The following CNNM2 variants were observed in gnomAD, a reference collection of about 807,000 sequenced individuals.
CNNM2 encodes the protein metal transporter CNNM2.
Under a neutral mutation model 66.9 loss-of-function variants are expected in CNNM2, and 12 were observed. The observed-to-expected ratio is 0.18, with a 90% confidence interval of 0.11 to 0.29. The LOEUF is 0.29. Among genes scored for constraint, CNNM2 ranks in the 10% least tolerant of loss-of-function variants. The probability of loss-of-function intolerance (pLI) is 1.00; values close to 1 mark genes in which losing one functional copy is unlikely to be tolerated. For missense variants in CNNM2, 705 were observed against 1,167.7 expected, an observed-to-expected ratio of 0.60 and a Z score of 5.77; for synonymous variants, 557 against 501.8, an observed-to-expected ratio of 1.11 and a Z score of -1.47.
chr10:102,988,511 T>C (rs1438879258), intron 1 of CNNM2, among the ~76,000 whole-genome samples: 1 of 152,114 alleles, frequency 6.6e-6, no homozygotes, highest in Non-Finnish European at 1.5e-5. Flanking sequence ...TGACATGTCA[T>C]TTTAAGAATC....
chr10:102,992,966 T>C (rs2063924918), intron 1 of CNNM2, among the ~76,000 whole-genome samples: 1 of 152,146 alleles, frequency 6.6e-6, no homozygotes, highest in African/African-American at 2.4e-5. Context: ...GGTCAGTTTA[T>C]CATCTACCTA....
chr10:103,014,355 G>A (rs988227792), intron 1 of CNNM2, among the ~76,000 whole-genome samples: 4 of 152,170 alleles, frequency 2.6e-5, no homozygotes, highest in African/African-American at 9.7e-5. Context: ...CTCAATAACA[G>A]TTCTTGGTGC....
At chr10:103,028,271 T>C (rs2064745200) in intron 1 of CNNM2, among the ~76,000 whole-genome samples, 1 of 152,250 alleles carries the variant, frequency 6.6e-6, no homozygotes, top group Non-Finnish European at 1.5e-5. Flanking sequence ...TTGAGTTCTT[T>C]TGGCCATTCA....
At chr10:102,967,114 G>A (rs969195706) in intron 1 of CNNM2, among the ~76,000 whole-genome samples, 3 of 152,030 alleles carry the variant, frequency 2.0e-5, no homozygotes, top group Admixed American at 6.6e-5. Flanking sequence ...ACTTCGCTAC[G>A]TTTTTTAAAA....
At chr10:103,026,925 A>G (rs2064719857) in intron 1 of CNNM2, among the ~76,000 whole-genome samples, 1 of 152,204 alleles carries the variant, frequency 6.6e-6, no homozygotes, top group Admixed American at 6.5e-5. Context: ...TCGCTGGTGC[A>G]TGGTACAGTG....
At chr10:103,055,764 A>G (rs1036953291) in intron 3 of CNNM2, among the ~76,000 whole-genome samples, 4 of 152,242 alleles carry the variant, frequency 2.6e-5, no homozygotes, top group African/African-American at 9.6e-5. Flanking sequence ...TTCTTTTTCT[A>G]ATTTTGATAA....
In CNNM2 at chr10:102,996,879, G is replaced by A. The variant is rs7898770; in HGVS notation, c.1622-52828G>A. ...TTGTTATGTCCTCAATTATTTTCAAGCTCTCCATTGTATAATTCATTCTCT... is the reference window on the plus strand; with the variant it reads ...TTGTTATGTCCTCAATTATTTTCAAACTCTCCATTGTATAATTCATTCTCT... On this transcript the variant is annotated intron_variant, in intron 1 of 7. Coordinates refer to ENST00000369878, the MANE Select transcript of CNNM2 (RefSeq NM_017649.5). Among the ~76,000 whole-genome samples the A allele has an allele frequency of 0.31, 46,898 of 151,738 alleles. 7,397 individuals carry two copies. Among genetic ancestry groups the A allele is most frequent in the Middle Eastern group, 0.37 (109 of 292 alleles).
At chr10:102,939,748 A>G (rs928150155) in intron 1 of CNNM2, among the ~76,000 whole-genome samples, 2 of 152,098 alleles carry the variant, frequency 1.3e-5, no homozygotes, top group African/African-American at 4.8e-5. Context: ...GTATGGACGA[A>G]TCACCTGAGG....
chr10:103,056,703 G>C, intron 3 of CNNM2, 92 bp from the exon 4 acceptor site: 2 of 1,210,990 alleles, frequency 1.7e-6, no homozygotes, highest in Non-Finnish European at 2.4e-6. Flanking sequence ...TTGATTCCAA[G>C]TATTCTTATC....
chr10:102,965,044 C>T (rs1266048853), intron 1 of CNNM2, among the ~76,000 whole-genome samples: 1 of 152,198 alleles, frequency 6.6e-6, no homozygotes, highest in Non-Finnish European at 1.5e-5. Flanking sequence ...GAGGCAGAGA[C>T]CGTGCCCCTC....
intron 1 of CNNM2, among the ~76,000 whole-genome samples, chr10:102,974,339 T>G (rs1170639033): frequency 2.0e-5 from 3 of 152,148 alleles, no homozygotes; most frequent in Non-Finnish European, 4.4e-5. Context: ...GATGAACTAG[T>G]TATAAGATGA....
intron 1 of CNNM2, among the ~76,000 whole-genome samples, chr10:102,994,972 A>G (rs2063963152): frequency 6.6e-6 from 1 of 152,088 alleles, no homozygotes; most frequent in African/African-American, 2.4e-5. Flanking sequence ...TTCAATGCCA[A>G]TCGACCAAAT....
chr10:103,070,118 C>T (rs2065550364), intron 5 of CNNM2, among the ~76,000 whole-genome samples: 2 of 152,194 alleles, frequency 1.3e-5, no homozygotes, highest in Admixed American at 1.3e-4. Context: ...ACAGTGTCCC[C>T]ACTGTCAACT....
intron 1 of CNNM2, among the ~76,000 whole-genome samples, chr10:102,942,322 T>G (rs934852788): frequency 1.3e-5 from 2 of 152,206 alleles, no homozygotes; most frequent in African/African-American, 2.4e-5. Flanking sequence ...AAACTTCCTA[T>G]TCCCCAATTC....
chr10:103,052,304 A>C (rs943138147), intron 2 of CNNM2, among the ~76,000 whole-genome samples: 7 of 151,066 alleles, frequency 4.6e-5, no homozygotes, highest in African/African-American at 7.3e-5. Context: ...AAAAAAAAAA[A>C]CCCAAACCGA....
At chr10:102,971,230 C>T (rs2063542167) in intron 1 of CNNM2, among the ~76,000 whole-genome samples, 1 of 132,324 alleles carries the variant, frequency 7.6e-6, no homozygotes. Flanking sequence ...ACTATGGTGA[C>T]TTAGAGACCT....
At chr10:103,021,415 A>C (rs1460765120) in intron 1 of CNNM2, among the ~76,000 whole-genome samples, 3 of 152,124 alleles carry the variant, frequency 2.0e-5, no homozygotes, top group African/African-American at 7.2e-5. Flanking sequence ...GCTGCTGAAA[A>C]ATAAGGGATG....
At chr10:102,987,632 T>C (rs1170501668) in intron 1 of CNNM2, among the ~76,000 whole-genome samples, 1 of 151,984 alleles carries the variant, frequency 6.6e-6, no homozygotes, top group Non-Finnish European at 1.5e-5. Context: ...AGCTTATTTT[T>C]ATATGGATTT....
chr10:103,077,254 C>A lies in CNNM2; in HGVS notation c.*74C>A. On this transcript the variant is annotated 3_prime_UTR_variant, in exon 8 of 8. Coordinates refer to ENST00000369878, the MANE Select transcript of CNNM2 (RefSeq NM_017649.5). ...GCCCGGCCCTGTCTGCCCATGACTT[C>A]ACTGGTGTGAGCTTGTCCGCCATGC... is the stretch of plus-strand genomic sequence containing the variant. 1 of 1,360,878 alleles carries A rather than the reference C, an allele frequency of 7.3e-7. No homozygotes were observed. The highest frequency in any genetic ancestry group is 1.0e-6 in the Non-Finnish European group (1 of 969,608). The allele number at this position is 1,360,878 out of a possible 1,614,324, so 84.3% of individuals were successfully genotyped here.
Sources: gnomAD v4.1 joint callset for allele counts (sites outside exome capture counted in the v4.1 genomes callset) on GRCh38, gnomAD v4.1.1 for gene constraint, MANE v1.5 for transcripts, NCBI Gene and HGNC (gene_info 2026-07-23, HGNC 2026-07-21) for gene names.